PRKN: variants seen among roughly 807,000 people sequenced by gnomAD.
PRKN encodes E3 ubiquitin-protein ligase parkin.
Under a neutral mutation model 59.5 loss-of-function variants are expected in PRKN, and 56 were observed. The ratio of observed to expected loss-of-function variants is 0.94; its 90% CI spans 0.76 to 1.18. The LOEUF (loss-of-function observed/expected upper bound fraction) is 1.18. PRKN is among the 50% of genes most tolerant of loss of function. The pLI, the probability that PRKN is intolerant of heterozygous loss-of-function variation, is 0.00. For synonymous variants in PRKN, 250 were observed against 222.1 expected (o/e 1.13, Z -1.12); for missense variants, 657 against 596.4 (o/e 1.10, Z -1.06).
At chr6:162,612,597 C>CA (rs10581049) in intron 1 of PRKN, among the ~76,000 whole-genome samples, 92 of 122,834 alleles carry the variant, frequency 7.5e-4, no homozygotes, top group South Asian at 3.0e-3. Flanking sequence ...AACTCCATCT[C>CA]AAAAAAAAAA....
intron 4 of PRKN, among the ~76,000 whole-genome samples, chr6:162,076,464 C>T (rs903049344): frequency 2.0e-5 from 3 of 152,046 alleles, no homozygotes; most frequent in Non-Finnish European, 2.9e-5. Flanking sequence ...CAAGATATTC[C>T]GATGCCTCTT....
At chr6:162,690,493 C>T (rs1474245194) in intron 1 of PRKN, among the ~76,000 whole-genome samples, 1 of 152,176 alleles carries the variant, frequency 6.6e-6, no homozygotes, top group East Asian at 1.9e-4. Flanking sequence ...ATTAGCAAGA[C>T]TGATATAAAA....
intron 1 of PRKN, among the ~76,000 whole-genome samples, chr6:162,524,112 A>G (rs1160048047): frequency 1.3e-5 from 2 of 152,190 alleles, no homozygotes; most frequent in Non-Finnish European, 2.9e-5. Context: ...TAAATGAAAA[A>G]CAAATATGCT....
intron 1 of PRKN, among the ~76,000 whole-genome samples, chr6:162,526,175 T>TA (rs1778273903): frequency 6.9e-6 from 1 of 144,820 alleles, no homozygotes; most frequent in Non-Finnish European, 1.5e-5. Flanking sequence ...GTTCATGAAA[T>TA]AAAATGTAGA....
intron 1 of PRKN, among the ~76,000 whole-genome samples, chr6:162,708,710 ACCTTCAGAAATAAC>A (rs2128238161): frequency 6.6e-6 from 1 of 152,322 alleles, no homozygotes; most frequent in African/African-American, 2.4e-5. Context: ...CATTCCAGGC[ACCTTCAGAAATAAC>A]ACTGCCTTTC....
At chr6:162,687,031 A>C (rs1341693956) in intron 1 of PRKN, among the ~76,000 whole-genome samples, 1 of 151,902 alleles carries the variant, frequency 6.6e-6, no homozygotes, top group East Asian at 1.9e-4. Flanking sequence ...TTTTGGTTCC[A>C]TATGAATTTT....
At chr6:162,006,194 C>T (rs1234795443) in intron 5 of PRKN, among the ~76,000 whole-genome samples, 1 of 152,148 alleles carries the variant, frequency 6.6e-6, no homozygotes, top group Non-Finnish European at 1.5e-5. Flanking sequence ...TCCTAGCACC[C>T]AGCAGTTGCT....
intron 1 of PRKN, among the ~76,000 whole-genome samples, chr6:162,704,390 G>T (rs1233495031): frequency 1.3e-5 from 2 of 152,126 alleles, no homozygotes; most frequent in Admixed American, 6.5e-5. Context: ...GAGCACCAGG[G>T]ATGAAACCAG....
At chr6:162,218,877 C>T (rs1269422657) in intron 3 of PRKN, among the ~76,000 whole-genome samples, 1 of 152,034 alleles carries the variant, frequency 6.6e-6, no homozygotes, top group Non-Finnish European at 1.5e-5. Flanking sequence ...CAACCATATG[C>T]CTGTTTAGTT....
intron 1 of PRKN, among the ~76,000 whole-genome samples, chr6:162,445,566 C>T (rs1790269300): frequency 6.6e-6 from 1 of 151,532 alleles, no homozygotes; most frequent in Admixed American, 6.6e-5. Flanking sequence ...GTGGCGTGCA[C>T]TTGCAGTCCC....
At chr6:162,710,809 T>C (rs578163165) in intron 1 of PRKN, among the ~76,000 whole-genome samples, 2 of 152,120 alleles carry the variant, frequency 1.3e-5, no homozygotes, top group African/African-American at 4.8e-5. Flanking sequence ...TAAGCTCTTG[T>C]GGAGAAAAAT....
intron 2 of PRKN, among the ~76,000 whole-genome samples, chr6:162,291,591 G>C (rs1363984948): frequency 2.6e-5 from 4 of 152,122 alleles, no homozygotes; most frequent in African/African-American, 9.7e-5. Context: ...CCTCCTGCTC[G>C]AAAGTCAGGT....
intron 7 of PRKN, among the ~76,000 whole-genome samples, chr6:161,693,104 AT>A (rs1785869095): frequency 6.6e-6 from 1 of 152,176 alleles, no homozygotes; most frequent in Non-Finnish European, 1.5e-5. Context: ...TGTCTTTAGA[AT>A]TAAAAAAACA....
intron 5 of PRKN, among the ~76,000 whole-genome samples, chr6:161,994,167 G>T (rs1781753940): frequency 6.6e-6 from 1 of 151,528 alleles, no homozygotes; most frequent in South Asian, 2.1e-4. Flanking sequence ...TGTAAGAATG[G>T]TTGAACATAA....
At chr6:161,776,885 T>G (rs1463564422) in intron 7 of PRKN, among the ~76,000 whole-genome samples, 1 of 152,000 alleles carries the variant, frequency 6.6e-6, no homozygotes, top group Non-Finnish European at 1.5e-5. Flanking sequence ...CAAATAAGAA[T>G]AATAATTTCT....
intron 3 of PRKN, 76 bp from the exon 4 acceptor site, chr6:162,201,328 T>C: frequency 1.4e-6 from 2 of 1,445,520 alleles, no homozygotes; most frequent in East Asian, 4.5e-5. Flanking sequence ...TAAAAGCTTG[T>C]TAGAGGCAAA....
intron 2 of PRKN, among the ~76,000 whole-genome samples, chr6:162,308,093 C>G (rs557059029): frequency 6.6e-6 from 1 of 152,252 alleles, no homozygotes; most frequent in Admixed American, 6.5e-5. Context: ...AGGCACGTGG[C>G]CTTCTTCACC....
intron 1 of PRKN, among the ~76,000 whole-genome samples, chr6:162,531,490 GC>G (rs1021305964): frequency 6.6e-6 from 1 of 152,152 alleles, no homozygotes; most frequent in African/African-American, 2.4e-5. Context: ...AAGCCAGTGA[GC>G]CAGGAGTGCT....
intron 1 of PRKN, among the ~76,000 whole-genome samples, chr6:162,632,892 T>C (rs1343832869): frequency 3.3e-5 from 5 of 152,118 alleles, no homozygotes; most frequent in Non-Finnish European, 5.9e-5. Context: ...AAGTATATTT[T>C]ATAATCATTT....
Sources: gnomAD v4.1 joint callset for allele counts (sites outside exome capture counted in the v4.1 genomes callset) on GRCh38, gnomAD v4.1.1 for gene constraint, MANE v1.5 for transcripts, NCBI Gene and HGNC (gene_info 2026-07-23, HGNC 2026-07-21) for gene names.